CDC20B: variants seen among roughly 807,000 people sequenced by gnomAD.
The protein encoded by CDC20B is cell division cycle protein 20 homolog B.
CDC20B carries 58 observed loss-of-function variants against 64.1 expected under a neutral mutation model. The ratio of observed to expected loss-of-function variants is 0.90; its 90% CI spans 0.73 to 1.13. CDC20B has a LOEUF of 1.13. CDC20B is among the 50% of genes most tolerant of loss of function. CDC20B has a pLI of 0.00. For synonymous variants in CDC20B, 243 were observed against 230.6 expected, an observed-to-expected ratio of 1.05 and a Z score of -0.49; for missense variants, 597 against 633.0, an observed-to-expected ratio of 0.94 and a Z score of 0.61.
intron 2 of CDC20B, among the ~76,000 whole-genome samples, chr5:55,159,557 G>C (rs967567429): frequency 2.6e-5 from 4 of 152,190 alleles, no homozygotes; most frequent in Middle Eastern, 3.4e-3. Context: ...GATAGAGAAG[G>C]GTTTCTTTTA....
chr5:55,116,672 T>C (rs2111787976), intron 11 of CDC20B, among the ~76,000 whole-genome samples: 1 of 152,350 alleles, frequency 6.6e-6, no homozygotes, highest in Non-Finnish European at 1.5e-5. Flanking sequence ...GTGCTGATGC[T>C]TTTAAATTAA....
intron 5 of CDC20B, among the ~76,000 whole-genome samples, chr5:55,135,036 G>A (rs1002905616): frequency 6.6e-6 from 1 of 152,140 alleles, no homozygotes; most frequent in African/African-American, 2.4e-5. Context: ...TGTAAACTAT[G>A]GACTTTTGGT....
At position 55,127,299 on chromosome 5, in the gene CDC20B, GACA is replaced by G; in HGVS notation, c.944_946del (p.Leu315del). On this transcript the variant is annotated inframe_deletion, in exon 8 of 12. Coordinates refer to ENST00000381375, the MANE Select transcript of CDC20B (RefSeq NM_001170402.1). ...ATTCCAGCTCAGAGCCCCAACTACT[GACA>G]AATGACCAAGCATATTTCTCAGCCG... is the stretch of plus-strand genomic sequence containing the variant. 1 of 1,614,028 alleles carries G rather than the reference GACA, an allele frequency of 6.2e-7. No individual in the cohort carries two copies. The highest frequency in any genetic ancestry group is 8.5e-7 in the Non-Finnish European group (1 of 1,179,962).
chr5:55,162,564 C>T (rs1726539206), intron 2 of CDC20B, among the ~76,000 whole-genome samples: 1 of 152,178 alleles, frequency 6.6e-6, no homozygotes, highest in African/African-American at 2.4e-5. Context: ...TAATATTTCA[C>T]ATAAATGTGA....
chr5:55,172,976 C>T lies in CDC20B; in HGVS notation c.25G>A (p.Ala9Thr). 1 of 1,612,048 alleles carries T rather than the reference C, an allele frequency of 6.2e-7. No homozygotes were observed. Among genetic ancestry groups the T allele is most frequent in the East Asian group, 2.2e-5 (1 of 44,794 alleles). The change falls in exon 1 of 12, where the codon GCG (alanine) becomes ACG (threonine). Residue 9 changes from alanine (A) to threonine (T), a missense_variant. Coordinates refer to ENST00000381375, the MANE Select transcript of CDC20B (RefSeq NM_001170402.1). MEWKLERTAPRRVRTEEEM... is the reference protein window; with the variant it reads MEWKLERTTPRRVRTEEEM... ...TCTTCCGTGCGGACCCTCCGAGGCG[C>T]GGTGCGCTCCAGTTTCCACTCCATC...
At position 55,172,652 on chromosome 5, in the gene CDC20B, T is replaced by G. The variant is rs976015647; in HGVS notation, c.64-2A>C. On this transcript the variant is annotated splice_acceptor_variant, in intron 1 of 11. Transcript: ENST00000381375. LOFTEE classifies it high-confidence loss of function. ...GGAGAGCACACGCATGATACTTTCC[T>G]TTGAAAACACAGATAACATATTGAG... 5 of 1,608,468 alleles carry G rather than the reference T, an allele frequency of 3.1e-6. No homozygotes were observed. The African/African-American group carries it at 6.7e-5, about 22-fold the overall frequency.
intron 2 of CDC20B, among the ~76,000 whole-genome samples, chr5:55,169,419 A>G (rs1744516453): frequency 6.6e-6 from 1 of 152,242 alleles, no homozygotes; most frequent in South Asian, 2.1e-4. Context: ...AGTTCCACTG[A>G]CTGGCTGCAA....
At chr5:55,160,160 G>A (rs747868414) in intron 2 of CDC20B, 1 of 1,538,858 alleles carries the variant, frequency 6.5e-7, no homozygotes, top group Admixed American at 1.7e-5. Flanking sequence ...TTGAATTCCA[G>A]GCTGCTGAGA....
intron 2 of CDC20B, among the ~76,000 whole-genome samples, chr5:55,149,897 A>T (rs2111897507): frequency 6.6e-6 from 1 of 152,250 alleles, no homozygotes; most frequent in East Asian, 1.9e-4. Context: ...ACTTTGGGAG[A>T]CTGAGGTGAG....
At chr5:55,130,065 C>T (rs1321922473) in intron 6 of CDC20B, among the ~76,000 whole-genome samples, 1 of 152,068 alleles carries the variant, frequency 6.6e-6, no homozygotes, top group Non-Finnish European at 1.5e-5. Flanking sequence ...GAAAAACACA[C>T]ATGAAATGAA....
intron 2 of CDC20B, chr5:55,164,072 C>G (rs1269696399): frequency 3.1e-6 from 5 of 1,588,632 alleles, no homozygotes; most frequent in Non-Finnish European, 3.4e-6. Context: ...AAAGAAGGAA[C>G]CAAGGTGGAA....
chr5:55,146,836 A>T lies in CDC20B; in HGVS notation c.147T>A (p.Ala49=). The T allele has an allele frequency of 6.2e-7, 1 of 1,614,122 alleles. No individual in the cohort carries two copies. Among genetic ancestry groups the T allele is most frequent in the Non-Finnish European group, 8.5e-7 (1 of 1,179,986 alleles). The part of the protein sequence containing the change: ...DSANVLDSVN[A]TYSDFKSNFA... ...AGTTGCTCTTAAAGTCAGAATACGT[A>T]GCATTAACTGAATCGAGTACCTGTT... The change falls in exon 3 of 12, where the codon GCT becomes GCA. Residue 49 remains alanine, a synonymous_variant. Coordinates refer to ENST00000381375, the MANE Select transcript of CDC20B (RefSeq NM_001170402.1).
chr5:55,145,296 T>C (rs1743439767), intron 3 of CDC20B, among the ~76,000 whole-genome samples: 1 of 152,236 alleles, frequency 6.6e-6, no homozygotes, highest in African/African-American at 2.4e-5. Context: ...CATGGGAATT[T>C]CATTGATTTG....
chr5:55,124,128 A>G (rs1742819467), intron 9 of CDC20B, among the ~76,000 whole-genome samples: 4 of 152,186 alleles, frequency 2.6e-5, no homozygotes, highest in Admixed American at 1.3e-4. Flanking sequence ...AAGAGAAATA[A>G]ATAATTATGC....
At chr5:55,161,092 C>T (rs1004038814) in intron 2 of CDC20B, 2 of 1,614,228 alleles carry the variant, frequency 1.2e-6, no homozygotes, top group Non-Finnish European at 1.7e-6. Context: ...CATCCCACTT[C>T]AGCGTGTTGG....
At position 55,148,514 on chromosome 5, in the gene CDC20B, G is replaced by A. The variant is rs142766265; in HGVS notation, c.127-1658C>T. Among the ~76,000 whole-genome samples, 17 of 152,252 alleles carry A rather than the reference G, an allele frequency of 1.1e-4. No individual in the cohort carries two copies. In the East Asian group the frequency reaches 3.1e-3, roughly 28 times the overall value. ...AGATTGCTTGAGCCCAGGTGTTCGG[G>A]ACCAGCCTGGGCAACAAGACAAAAC... On this transcript the variant is annotated intron_variant, in intron 2 of 11. Coordinates refer to ENST00000381375, the MANE Select transcript of CDC20B (RefSeq NM_001170402.1).
intron 4 of CDC20B, 95 bp downstream of exon 4, chr5:55,143,418 G>T: frequency 8.0e-7 from 1 of 1,242,264 alleles, no homozygotes; most frequent in Non-Finnish European, 1.1e-6. Flanking sequence ...CTTATTGATT[G>T]GTAAGAGAAC....
At chr5:55,147,551 T>C (rs946757806) in intron 2 of CDC20B, among the ~76,000 whole-genome samples, 13 of 149,522 alleles carry the variant, frequency 8.7e-5, no homozygotes, top group African/African-American at 3.2e-4. Context: ...AACTGTTACA[T>C]TTTTATATGT....
At chr5:55,162,315 G>A (rs1435163367) in intron 2 of CDC20B, among the ~76,000 whole-genome samples, 1 of 152,158 alleles carries the variant, frequency 6.6e-6, no homozygotes, top group Non-Finnish European at 1.5e-5. Flanking sequence ...AGAATCGCTT[G>A]AACCCAGAGG....
Sources: gnomAD v4.1 joint callset for allele counts (sites outside exome capture counted in the v4.1 genomes callset) on GRCh38, gnomAD v4.1.1 for gene constraint, MANE v1.5 for transcripts, NCBI Gene and HGNC (gene_info 2026-07-23, HGNC 2026-07-21) for gene names.